Variants in SOX6 observed in about 807,000 individuals in gnomAD.
The protein encoded by SOX6 is transcription factor SOX-6.
Under a neutral mutation model 97.8 loss-of-function variants are expected in SOX6, and 11 were observed. The observed-to-expected ratio is 0.11, with a 90% CI of 0.07 to 0.19. The LOEUF (loss-of-function observed/expected upper bound fraction) is 0.19, where lower values mean the gene tolerates loss of function less well. SOX6 is among the 10% of genes least tolerant of loss of function. The pLI is 1.00. For synonymous variants in SOX6, 360 were observed against 371.4 expected (o/e 0.97, Z 0.35); for missense variants, 810 against 1,039.5 (o/e 0.78, Z 3.04).
intron 4 of SOX6, among the ~76,000 whole-genome samples, chr11:16,232,109 A>T (rs1490183283): frequency 6.6e-6 from 1 of 151,880 alleles, no homozygotes; most frequent in Non-Finnish European, 1.5e-5. Flanking sequence ...AAATACTGAT[A>T]ACCCATGATT....
intron 2 of SOX6, among the ~76,000 whole-genome samples, chr11:16,339,248 C>T (rs1276023925): frequency 6.6e-6 from 1 of 151,970 alleles, no homozygotes; most frequent in African/African-American, 2.4e-5. Flanking sequence ...AAACGTTTTC[C>T]ATTGAACTTA....
chr11:16,632,771 G>A (rs889708678), intron 3 of SOX6, among the ~76,000 whole-genome samples: 36 of 152,350 alleles, frequency 2.4e-4, no homozygotes, highest in Middle Eastern at 3.4e-3. Context: ...AAGAGTGAGT[G>A]GTCCAGATGT....
intron 4 of SOX6, among the ~76,000 whole-genome samples, chr11:16,229,935 A>G (rs1273661996): frequency 6.6e-6 from 1 of 151,854 alleles, no homozygotes; most frequent in Non-Finnish European, 1.5e-5. Flanking sequence ...CAAAAGTAAT[A>G]TAAACATGGA....
intron 9 of SOX6, among the ~76,000 whole-genome samples, chr11:16,086,499 G>A (rs1031741932): frequency 6.6e-6 from 1 of 152,174 alleles, no homozygotes; most frequent in Admixed American, 6.5e-5. Context: ...GGAATACCCA[G>A]CTCCTAATGC....
chr11:16,619,256 G>A (rs1425372105), intron 3 of SOX6, among the ~76,000 whole-genome samples: 14 of 149,584 alleles, frequency 9.4e-5, no homozygotes, highest in African/African-American at 2.2e-4. Context: ...AAAAAGAAAA[G>A]AAACTAAAAA....
intron 6 of SOX6, among the ~76,000 whole-genome samples, chr11:16,141,473 T>C (rs887189366): frequency 8.5e-5 from 13 of 152,182 alleles, no homozygotes; most frequent in Admixed American, 7.9e-4. Flanking sequence ...CATTTCCAAC[T>C]GAGGTACCAG....
intron 3 of SOX6, among the ~76,000 whole-genome samples, chr11:16,619,884 T>C (rs1333437515): frequency 6.6e-6 from 1 of 152,132 alleles, no homozygotes; most frequent in African/African-American, 2.4e-5. Flanking sequence ...ATTGAATGTA[T>C]TTCACTGTTA....
At chr11:16,341,553 C>G (rs1006816846) in intron 1 of SOX6, among the ~76,000 whole-genome samples, 6 of 151,932 alleles carry the variant, frequency 3.9e-5, no homozygotes, top group Non-Finnish European at 5.9e-5. Flanking sequence ...TATTTTTCCT[C>G]CTAGTTTTCT....
intron 4 of SOX6, among the ~76,000 whole-genome samples, chr11:16,575,938 C>A (rs981817200): frequency 6.6e-6 from 1 of 152,064 alleles, no homozygotes; most frequent in Non-Finnish European, 1.5e-5. Context: ...GTTTACATTT[C>A]AATTTCAAAA....
chr11:16,528,388 G>GA (rs1372409435), intron 4 of SOX6, among the ~76,000 whole-genome samples: 1 of 152,088 alleles, frequency 6.6e-6, no homozygotes, highest in Non-Finnish European at 1.5e-5. Context: ...TTCAGACTCA[G>GA]AGAAGTAATC....
At chr11:16,449,262 T>C (rs1320141485) in intron 1 of SOX6, among the ~76,000 whole-genome samples, 1 of 146,464 alleles carries the variant, frequency 6.8e-6, no homozygotes, top group Non-Finnish European at 1.5e-5. Flanking sequence ...AGTGTAAAAT[T>C]ATAAAATGCT....
intron 1 of SOX6, among the ~76,000 whole-genome samples, chr11:16,351,623 CCAGT>C (rs1426253296): frequency 6.6e-6 from 1 of 152,078 alleles, no homozygotes; most frequent in Non-Finnish European, 1.5e-5. Flanking sequence ...TTTATCTTCA[CCAGT>C]CAAACTTCAC....
intron 4 of SOX6, among the ~76,000 whole-genome samples, chr11:16,518,349 C>T (rs1224600452): frequency 3.3e-5 from 5 of 152,158 alleles, no homozygotes; most frequent in Admixed American, 2.6e-4. Flanking sequence ...ACTTCCTCCA[C>T]GAAGCCCTCC....
chr11:16,492,114 C>T (rs1860517595), intron 4 of SOX6, among the ~76,000 whole-genome samples: 1 of 152,066 alleles, frequency 6.6e-6, no homozygotes, highest in Non-Finnish European at 1.5e-5. Flanking sequence ...GAAAGCATTA[C>T]CCAAAACGGG....
chr11:16,454,445 ATATT>A (rs1307464918), intron 1 of SOX6, among the ~76,000 whole-genome samples: 6 of 152,128 alleles, frequency 3.9e-5, no homozygotes, highest in Admixed American at 2.0e-4. Flanking sequence ...TATTCAAGCC[ATATT>A]TATTATTGTG....
chr11:16,707,111 C>T (rs1848143707), intron 3 of SOX6, among the ~76,000 whole-genome samples: 1 of 152,112 alleles, frequency 6.6e-6, no homozygotes, highest in African/African-American at 2.4e-5. Context: ...CCCAGTAGTA[C>T]TCCAAAATAA....
At chr11:16,362,656 A>G (rs1857238984) in intron 1 of SOX6, among the ~76,000 whole-genome samples, 1 of 152,150 alleles carries the variant, frequency 6.6e-6, no homozygotes, top group African/African-American at 2.4e-5. Context: ...AGAGTCTGGA[A>G]AATGGAAGAA....
intron 3 of SOX6, among the ~76,000 whole-genome samples, chr11:16,614,514 G>T (rs942103093): frequency 1.3e-5 from 2 of 152,148 alleles, no homozygotes; most frequent in Admixed American, 1.3e-4. Context: ...AAATAATAAT[G>T]ATTATTAATT....
intron 4 of SOX6, among the ~76,000 whole-genome samples, chr11:16,200,766 G>A (rs1041662502): frequency 1.3e-5 from 2 of 151,984 alleles, no homozygotes; most frequent in East Asian, 3.9e-4. Flanking sequence ...TTTACTATTA[G>A]CTGGTTCTCC....
Sources: allele counts gnomAD v4.1 joint callset (sites outside exome capture counted in the v4.1 genomes callset), GRCh38; gene constraint gnomAD v4.1.1; transcripts MANE v1.5; gene names NCBI Gene and HGNC (gene_info 2026-07-23, HGNC 2026-07-21).